The following BPTF variants were observed in gnomAD, a reference collection of about 807,000 sequenced individuals.
BPTF encodes the protein bromodomain PHD finger transcription factor, also known as nucleosome-remodeling factor subunit BPTF.
In BPTF, 18 loss-of-function variants were observed where a neutral mutation model predicts 292.5. The ratio of observed to expected loss-of-function variants is 0.06; its 90% CI spans 0.04 to 0.09. The LOEUF is 0.09. Among genes scored for constraint, BPTF ranks in the 10% least tolerant of loss-of-function variants. The pLI, the probability that BPTF is intolerant of heterozygous loss-of-function variation, is 1.00. For missense variants in BPTF, 2,726 were observed against 3,498.7 expected (o/e 0.78, Z 5.57); for synonymous variants, 1,225 against 1,251.9 (o/e 0.98, Z 0.45).
At position 67,963,523 on chromosome 17, in the gene BPTF, G is replaced by A. The variant is rs1555685122; in HGVS notation, c.8262-689G>A. Reference sequence around the variant, plus strand: ...TGAGTCACAGTGAGTTCTGATAAGAGCATCATATTTAATAATTTAGGAAGC... The same window carrying A: ...TGAGTCACAGTGAGTTCTGATAAGAACATCATATTTAATAATTTAGGAAGC... On this transcript the variant is annotated intron_variant, in intron 24 of 27. Transcript: ENST00000306378. 1.1e-5 allele frequency: 15 copies of A among 1,405,214 alleles called. No homozygotes were observed. The Admixed American group carries it at 2.7e-4, about 26-fold the overall frequency. The allele number at this position is 1,405,214 out of a possible 1,614,324, so 87.0% of individuals were successfully genotyped here.
intron 1 of BPTF, among the ~76,000 whole-genome samples, chr17:67,830,851 C>T (rs2056606013): frequency 6.6e-6 from 1 of 152,152 alleles, no homozygotes; most frequent in Non-Finnish European, 1.5e-5. Context: ...TTGTGATCCT[C>T]AGCCCTTTTT....
In BPTF at chr17:67,853,067, C is replaced by T. The variant is rs140797399; in HGVS notation, c.614-873C>T. Among the ~76,000 whole-genome samples, 320 of 152,220 alleles carry T rather than the reference C, an allele frequency of 2.1e-3. 2 individuals are homozygous for T. Among genetic ancestry groups the T allele is most frequent in the African/African-American group, 7.2e-3 (300 of 41,528 alleles). ...AGGAGACTCACTTGAACTTGAGAGG[C>T]GGAGGTCGCAGTGAGCCGAGGTCAC... is the stretch of plus-strand genomic sequence containing the variant. On this transcript the variant is annotated intron_variant, in intron 1 of 27. Coordinates refer to ENST00000306378, the MANE Select transcript of BPTF (RefSeq NM_182641.4).
At chr17:67,884,259 C>T (rs1207862966) in intron 4 of BPTF, among the ~76,000 whole-genome samples, 4 of 151,462 alleles carry the variant, frequency 2.6e-5, no homozygotes, top group African/African-American at 9.7e-5. Flanking sequence ...GCATGCACCA[C>T]CACACCTGGA....
chr17:67,875,850 T>G, intron 4 of BPTF: 5 of 1,003,704 alleles, frequency 5.0e-6, no homozygotes. Flanking sequence ...TCATTCATGC[T>G]GCTTGCTTAC....
At chr17:67,969,227 G>T (rs2068482582) in intron 26 of BPTF, among the ~76,000 whole-genome samples, 1 of 151,000 alleles carries the variant, frequency 6.6e-6, no homozygotes, top group Admixed American at 6.6e-5. Flanking sequence ...CAGGCAGATT[G>T]CTTGAGATCA....
chr17:67,975,818 G>A lies in BPTF; in HGVS notation c.8586G>A (p.Lys2862=). 1 of 1,614,022 alleles carries A rather than the reference G, an allele frequency of 6.2e-7. No individual in the cohort carries two copies. Among genetic ancestry groups the A allele is most frequent in the Non-Finnish European group, 8.5e-7 (1 of 1,179,994 alleles). ...EERVQRRYYE[K]LTEFVADMTK... is the part of the protein sequence containing the mutation. The stretch of plus-strand genomic sequence containing the variant: ...GAGTACAAAGACGATATTATGAAAA[G>A]CTGACGGAATTTGTGGCAGATATGA... The change falls in exon 27 of 28, where the codon AAG becomes AAA. Residue 2862 remains lysine, a synonymous_variant. Coordinates refer to ENST00000306378, the MANE Select transcript of BPTF (RefSeq NM_182641.4).
In BPTF at chr17:67,944,323, A is replaced by G; in HGVS notation, c.6651A>G (p.Thr2217=). 6.2e-7 allele frequency: 1 copy of G among 1,614,044 alleles called. No homozygotes were observed. Among genetic ancestry groups the G allele is most frequent in the Non-Finnish European group, 8.5e-7 (1 of 1,180,036 alleles). Residue 2217 remains threonine (T), a synonymous_variant, in exon 20 of 28, where the codon ACA becomes ACG. Coordinates refer to ENST00000306378, the MANE Select transcript of BPTF (RefSeq NM_182641.4). The stretch of plus-strand genomic sequence containing the variant: ...TCCTCTTTACCCCATTGGCAACAAC[A>G]GCCACCACAGCCAGCACCACCACCA... ...QRFLFTPLAT[T]ATTASTTTTT...
chr17:67,888,464 C>T (rs1401892028), intron 4 of BPTF, among the ~76,000 whole-genome samples: 2 of 151,914 alleles, frequency 1.3e-5, no homozygotes, highest in African/African-American at 4.8e-5. Flanking sequence ...GTGGTGTGTG[C>T]CTGTAATCCC....
chr17:67,945,828 C>T lies in BPTF; in HGVS notation c.7120C>T (p.Pro2374Ser). The T allele has an allele frequency of 1.2e-6, 2 of 1,614,218 alleles. No individual in the cohort carries two copies. The highest frequency in any genetic ancestry group is 1.7e-6 in the Non-Finnish European group (2 of 1,180,040). ...QSQVQTTTSQ[P>S]IPIQPHTSLQ... ...CCAGGTTCAGACTACAACCTCACAA[C>T]CGATTCCAATTCAACCACATACATC... is the stretch of plus-strand genomic sequence containing the variant. Residue 2374 changes from proline to serine, a missense_variant, in exon 21 of 28, where the codon CCG becomes TCG. By Grantham distance (74) the Pro-to-Ser change is moderately conservative. This residue lies in a region of BPTF where 570 missense variants were observed against 633.5 expected (regional missense o/e 0.90). Transcript: ENST00000306378.
intron 1 of BPTF, among the ~76,000 whole-genome samples, chr17:67,829,035 A>G (rs1304438542): frequency 6.6e-6 from 1 of 152,224 alleles, no homozygotes; most frequent in Non-Finnish European, 1.5e-5. Flanking sequence ...TGATAACTCT[A>G]CAGTGGGTGT....
At chr17:67,958,821 G>T (rs1239682810) in intron 23 of BPTF, among the ~76,000 whole-genome samples, 2 of 152,076 alleles carry the variant, frequency 1.3e-5, no homozygotes, top group African/African-American at 4.8e-5. Context: ...AAAAAAATTA[G>T]CTGGGTGTGG....
At chr17:67,833,394 T>G (rs2056882895) in intron 1 of BPTF, among the ~76,000 whole-genome samples, 1 of 152,082 alleles carries the variant, frequency 6.6e-6, no homozygotes, top group African/African-American at 2.4e-5. Context: ...GAGACCATGT[T>G]TTGCTTATCC....
chr17:67,894,527 A>G (rs951363744), intron 7 of BPTF, among the ~76,000 whole-genome samples: 7 of 152,156 alleles, frequency 4.6e-5, no homozygotes, highest in South Asian at 4.1e-4. Flanking sequence ...ACATGGTTTC[A>G]CTGTGTTGGC....
chr17:67,935,023 A>G (rs947945792), intron 18 of BPTF, among the ~76,000 whole-genome samples: 5 of 152,208 alleles, frequency 3.3e-5, no homozygotes, highest in African/African-American at 9.6e-5. Flanking sequence ...TATTCAATAC[A>G]TATTTGAACA....
chr17:67,940,862 A>G (rs1175937034), intron 19 of BPTF, among the ~76,000 whole-genome samples: 1 of 152,246 alleles, frequency 6.6e-6, no homozygotes, highest in Non-Finnish European at 1.5e-5. Context: ...GAGCTAAAAC[A>G]GTGAGACAGA....
chr17:67,962,283 T>C (rs1484435035), intron 24 of BPTF, among the ~76,000 whole-genome samples: 2 of 152,224 alleles, frequency 1.3e-5, no homozygotes, highest in Admixed American at 6.5e-5. Context: ...TTGGTAGAAC[T>C]AAGAGTGCCA....
At chr17:67,838,569 T>C (rs934417491) in intron 1 of BPTF, among the ~76,000 whole-genome samples, 1 of 152,178 alleles carries the variant, frequency 6.6e-6, no homozygotes, top group Admixed American at 6.5e-5. Flanking sequence ...CTCCACCTCT[T>C]AGGTTCAGGT....
rs754185232 is a variant in BPTF at position 67,891,860 on chromosome 17, G to A, written c.1881G>A (p.Ser627=). ...ATTTGACAGTAGGTGATTTCAAATC[G>A]GAGAAGTCCAACGGGGAGCTAAGTG... ...QGKSEVGDFK[S]EKSNGELSES... The change falls in exon 5 of 28, where the codon TCG becomes TCA. Residue 627 remains serine, a synonymous_variant. Transcript: ENST00000306378. 2.5e-6 allele frequency: 4 copies of A among 1,592,876 alleles called. No individual in the cohort carries two copies. Among genetic ancestry groups the A allele is most frequent in the African/African-American group, 1.4e-5 (1 of 73,826 alleles).
rs1297700927 is a variant in BPTF at position 67,912,409 on chromosome 17, G to C, written c.4525G>C (p.Glu1509Gln). 1.2e-6 allele frequency: 2 copies of C among 1,613,672 alleles called. No individual in the cohort carries two copies. The change falls in exon 11 of 28, where the codon GAG (glutamate) becomes CAG (glutamine). Residue 1509 changes from glutamate to glutamine, a missense_variant. Coordinates refer to ENST00000306378, the MANE Select transcript of BPTF (RefSeq NM_182641.4). ...DSLETLPSTK[E>Q]SDSTQTTTPS... The stretch of plus-strand genomic sequence containing the variant: ...CCTTGAGACCCTGCCATCAACCAAA[G>C]AGTCTGACAGTACACAGACGACCAC...
Sources: gnomAD v4.1 joint callset for allele counts (sites outside exome capture counted in the v4.1 genomes callset) on GRCh38, gnomAD v4.1.1 for gene constraint, gnomAD v4.1.1 regional missense constraint, MANE v1.5 for transcripts, NCBI Gene and HGNC (gene_info 2026-07-23, HGNC 2026-07-21) for gene names.